Variants in SNX29 observed in about 807,000 individuals in gnomAD.
The protein encoded by SNX29 is sorting nexin-29.
Under a neutral mutation model 102.1 loss-of-function variants are expected in SNX29, and 78 were observed. The observed-to-expected ratio is 0.76, with a 90% CI of 0.64 to 0.92. The LOEUF is 0.92. SNX29 is among the 40% of genes least tolerant of loss of function. SNX29 has a pLI of 0.00. For synonymous variants in SNX29, 580 were observed against 414.5 expected, an observed-to-expected ratio of 1.40 and a Z score of -4.85; for missense variants, 1,280 against 1,061.7, an observed-to-expected ratio of 1.21 and a Z score of -2.86.
chr16:12,431,434 C>CTTTTTTTTTTTTTTTTTTTTTTT (rs200189537), intron 18 of SNX29, among the ~76,000 whole-genome samples: 3 of 136,946 alleles, frequency 2.2e-5, no homozygotes, highest in African/African-American at 5.4e-5. Flanking sequence ...TCTTCTTCTT[C>CTTTTTTTTTTTTTTTTTTTTTTT]TTTTTTTTTT....
At chr16:12,481,974 T>G (rs1442770996) in intron 19 of SNX29, among the ~76,000 whole-genome samples, 1 of 152,218 alleles carries the variant, frequency 6.6e-6, no homozygotes, top group Non-Finnish European at 1.5e-5. Context: ...AAAGGAGGAT[T>G]GAGTCAAGAT....
At chr16:12,223,342 A>T (rs925393074) in intron 14 of SNX29, among the ~76,000 whole-genome samples, 1 of 152,180 alleles carries the variant, frequency 6.6e-6, no homozygotes, top group Admixed American at 6.5e-5. Flanking sequence ...CGTGGCCAAC[A>T]TGGCAAAACC....
intron 14 of SNX29, among the ~76,000 whole-genome samples, chr16:12,231,506 G>C (rs28711191): frequency 0.018 from 2,781 of 151,692 alleles, 101 homozygotes; most frequent in African/African-American, 0.064. Flanking sequence ...CAGAGTTTTA[G>C]TCAATTTCCA....
At chr16:12,561,841 A>C (rs1259069709) in intron 20 of SNX29, among the ~76,000 whole-genome samples, 1 of 152,066 alleles carries the variant, frequency 6.6e-6, no homozygotes, top group Non-Finnish European at 1.5e-5. Flanking sequence ...CCTGCAGGGG[A>C]GGGGAGGCAG....
chr16:12,036,184 C>T (rs1281168718), intron 4 of SNX29, among the ~76,000 whole-genome samples: 1 of 152,086 alleles, frequency 6.6e-6, no homozygotes, highest in Non-Finnish European at 1.5e-5. Context: ...CAGCCATCTT[C>T]CTGCTTCCGC....
At chr16:12,164,264 A>G (rs2055915013) in intron 13 of SNX29, among the ~76,000 whole-genome samples, 1 of 152,164 alleles carries the variant, frequency 6.6e-6, no homozygotes, top group Non-Finnish European at 1.5e-5. Context: ...GAGGGCAATG[A>G]GGTACGAAAT....
intron 15 of SNX29, among the ~76,000 whole-genome samples, chr16:12,341,247 T>G (rs993739469): frequency 3.3e-5 from 5 of 152,340 alleles, no homozygotes; most frequent in African/African-American, 1.2e-4. Context: ...GGGTTCAAAT[T>G]CTGACTTCAC....
chr16:12,020,359 T>A (rs569360678), intron 3 of SNX29, among the ~76,000 whole-genome samples: 3 of 152,076 alleles, frequency 2.0e-5, no homozygotes, highest in South Asian at 2.1e-4. Context: ...TTTAAAAAAA[T>A]TATTTATTTA....
In SNX29 at chr16:12,198,843, A is replaced by G. The variant is rs559686195; in HGVS notation, c.1596-758A>G. Among the ~76,000 whole-genome samples, 3 of 152,352 alleles carry G rather than the reference A, an allele frequency of 2.0e-5. No homozygotes were observed. In the South Asian group the frequency reaches 6.2e-4, roughly 32 times the overall value. Reference sequence around the variant, plus strand: ...CATCTTTCCGCTGAATGACGGATGGATGAATGAATGAGTGGATGCATGCTT... The same window carrying G: ...CATCTTTCCGCTGAATGACGGATGGGTGAATGAATGAGTGGATGCATGCTT... On this transcript the variant is annotated intron_variant, in intron 13 of 20. Coordinates refer to ENST00000566228, the MANE Select transcript of SNX29 (RefSeq NM_032167.5).
rs191822478 is a variant in SNX29, at chr16:12,092,062, A to G, written c.1402+13147A>G. 5.9e-5 allele frequency among the ~76,000 whole-genome samples: 9 copies of G among 152,304 alleles called. 1 individual carries two copies. Among genetic ancestry groups the G allele is most frequent in the Admixed American group, 5.9e-4 (9 of 15,298 alleles). Reference sequence around the variant, plus strand: ...CCTGGCCGTCCATCTAGAAGAGCGCAGCACAGGCAATCTCATCCCATCCCC... The same window carrying G: ...CCTGGCCGTCCATCTAGAAGAGCGCGGCACAGGCAATCTCATCCCATCCCC... On this transcript the variant is annotated intron_variant, in intron 11 of 20. Coordinates refer to ENST00000566228, the MANE Select transcript of SNX29 (RefSeq NM_032167.5).
chr16:12,187,662 G>C (rs2076544007), intron 13 of SNX29, among the ~76,000 whole-genome samples: 1 of 151,796 alleles, frequency 6.6e-6, no homozygotes, highest in Non-Finnish European at 1.5e-5. Context: ...AGTTTCTCTT[G>C]CCTGTTCTCC....
At chr16:12,492,194 G>A (rs2088585181) in intron 19 of SNX29, among the ~76,000 whole-genome samples, 1 of 152,176 alleles carries the variant, frequency 6.6e-6, no homozygotes, top group Admixed American at 6.5e-5. Context: ...AGCACCTGTT[G>A]TTTCCTGACT....
intron 19 of SNX29, among the ~76,000 whole-genome samples, chr16:12,483,505 C>G (rs969293782): frequency 6.6e-6 from 1 of 151,018 alleles, no homozygotes; most frequent in African/African-American, 2.4e-5. Flanking sequence ...TTTGTAGAGA[C>G]GGGGTTTCAC....
intron 14 of SNX29, among the ~76,000 whole-genome samples, chr16:12,261,071 C>T (rs1404806682): frequency 1.4e-5 from 2 of 142,674 alleles, no homozygotes; most frequent in Non-Finnish European, 3.0e-5. Context: ...CGCATGAGTC[C>T]CTGGCTGGAG....
intron 14 of SNX29, among the ~76,000 whole-genome samples, chr16:12,276,113 G>C (rs8058876): frequency 6.6e-6 from 1 of 151,654 alleles, no homozygotes; most frequent in Non-Finnish European, 1.5e-5. Context: ...GGCTGGTTTC[G>C]GACTCCTGAC....
intron 18 of SNX29, among the ~76,000 whole-genome samples, chr16:12,473,480 T>TG (rs1373336337): frequency 2.0e-5 from 3 of 152,300 alleles, no homozygotes; most frequent in Admixed American, 2.0e-4. Context: ...ATTGCTGGCC[T>TG]GGGGTTCCTG....
chr16:12,068,343 G>T (rs990366285), intron 9 of SNX29, among the ~76,000 whole-genome samples: 1 of 151,860 alleles, frequency 6.6e-6, no homozygotes, highest in South Asian at 2.1e-4. Context: ...AATTAGCTCG[G>T]CATGGTGGCA....
At chr16:12,118,126 A>G (rs1308669328) in intron 11 of SNX29, among the ~76,000 whole-genome samples, 1 of 151,950 alleles carries the variant, frequency 6.6e-6, no homozygotes, top group Non-Finnish European at 1.5e-5. Context: ...AAAAACTTTC[A>G]GCTGTGCCAC....
intron 18 of SNX29, among the ~76,000 whole-genome samples, chr16:12,420,220 C>T (rs1162638245): frequency 2.6e-5 from 4 of 152,188 alleles, no homozygotes; most frequent in Admixed American, 6.5e-5. Flanking sequence ...TGCCTTCTTG[C>T]GAAGTTTCAC....
Sources: gnomAD v4.1 joint callset for allele counts (sites outside exome capture counted in the v4.1 genomes callset) on GRCh38, gnomAD v4.1.1 for gene constraint, MANE v1.5 for transcripts, NCBI Gene and HGNC (gene_info 2026-07-23, HGNC 2026-07-21) for gene names.